The following FCHSD2 variants were observed in gnomAD, a reference collection of about 807,000 sequenced individuals.
FCHSD2 encodes the protein F-BAR and double SH3 domains protein 2.
Under a neutral mutation model 108.1 loss-of-function variants are expected in FCHSD2, and 38 were observed. The observed-to-expected ratio is 0.35, with a 90% CI of 0.27 to 0.46. The LOEUF is 0.46. Ranked by LOEUF, FCHSD2 falls within the 20% of genes least tolerant of loss-of-function variation. The pLI, the probability that FCHSD2 is intolerant of heterozygous loss-of-function variation, is 1.00. For synonymous variants in FCHSD2, 279 were observed against 314.7 expected (o/e 0.89, Z 1.20); for missense variants, 751 against 897.8 (o/e 0.84, Z 2.09).
chr11:73,130,243 AT>A (rs1253293255), intron 2 of FCHSD2, among the ~76,000 whole-genome samples: 1 of 151,856 alleles, frequency 6.6e-6, no homozygotes, highest in Admixed American at 6.6e-5. Context: ...ATACATAAAA[AT>A]TATTCAATAC....
intron 4 of FCHSD2, among the ~76,000 whole-genome samples, chr11:73,005,117 T>C (rs1354193621): frequency 1.3e-5 from 2 of 152,238 alleles, no homozygotes; most frequent in African/African-American, 4.8e-5. Flanking sequence ...CCATCTCTAC[T>C]GGAGCATTCT....
intron 8 of FCHSD2, among the ~76,000 whole-genome samples, chr11:72,968,034 TGA>T (rs1856944676): frequency 6.9e-6 from 1 of 144,934 alleles, no homozygotes. Context: ...GAGCTTGCAG[TGA>T]GCCGAGATCG....
At chr11:72,996,687 G>A (rs1325473370) in intron 5 of FCHSD2, among the ~76,000 whole-genome samples, 1 of 152,118 alleles carries the variant, frequency 6.6e-6, no homozygotes, top group African/African-American at 2.4e-5. Context: ...AAATGTTGTA[G>A]AGGAAAAATT....
chr11:73,132,842 A>C (rs950592017), intron 2 of FCHSD2, among the ~76,000 whole-genome samples: 1 of 150,896 alleles, frequency 6.6e-6, no homozygotes, highest in Admixed American at 6.6e-5. Context: ...AAAAAAAAAA[A>C]CCTCAGGTGA....
intron 3 of FCHSD2, among the ~76,000 whole-genome samples, chr11:73,079,813 C>T (rs1384432309): frequency 1.3e-5 from 2 of 152,030 alleles, no homozygotes; most frequent in Admixed American, 1.3e-4. Context: ...CAGAAACAGG[C>T]AGTAAACTGG....
chr11:72,839,789 G>T (rs149313870), intron 19 of FCHSD2, among the ~76,000 whole-genome samples: 2 of 152,260 alleles, frequency 1.3e-5, no homozygotes, highest in East Asian at 3.9e-4. Flanking sequence ...GATCGGATTG[G>T]CAGTTATAAA....
At chr11:73,091,132 G>A (rs574982688) in intron 2 of FCHSD2, among the ~76,000 whole-genome samples, 23 of 152,286 alleles carry the variant, frequency 1.5e-4, no homozygotes, top group South Asian at 2.1e-4. Context: ...TCCATTCTAT[G>A]AGTATACCAC....
chr11:72,860,202 G>A (rs1323206033), intron 13 of FCHSD2, among the ~76,000 whole-genome samples: 1 of 152,200 alleles, frequency 6.6e-6, no homozygotes, highest in East Asian at 1.9e-4. Context: ...CTGCTGTGTG[G>A]CTCAGTTCCT....
intron 3 of FCHSD2, among the ~76,000 whole-genome samples, chr11:73,041,811 T>G (rs1471753025): frequency 2.6e-5 from 4 of 152,226 alleles, no homozygotes; most frequent in African/African-American, 9.6e-5. Flanking sequence ...TTTGTGAGGT[T>G]TTAGCCATAA....
At chr11:72,988,903 C>T in intron 6 of FCHSD2, 61 bp downstream of exon 6, 2 of 1,437,138 alleles carry the variant, frequency 1.4e-6, no homozygotes, top group African/African-American at 2.8e-5. Flanking sequence ...AGAGAACAAA[C>T]TATTAGCAAC....
At chr11:73,073,737 A>G (rs941552795) in intron 3 of FCHSD2, among the ~76,000 whole-genome samples, 1 of 152,230 alleles carries the variant, frequency 6.6e-6, no homozygotes, top group Non-Finnish European at 1.5e-5. Flanking sequence ...CCAGTTGGCC[A>G]TAATGCCATA....
At chr11:73,127,159 C>A (rs1330356889) in intron 2 of FCHSD2, among the ~76,000 whole-genome samples, 1 of 152,188 alleles carries the variant, frequency 6.6e-6, no homozygotes, top group Non-Finnish European at 1.5e-5. Context: ...CAACTTGTTT[C>A]TGTGGAACCA....
In FCHSD2 at chr11:72,865,229, C is replaced by G. The variant is rs555453840; in HGVS notation, c.1308+2636G>C. Among the ~76,000 whole-genome samples, 7 of 152,292 alleles carry G rather than the reference C, an allele frequency of 4.6e-5. No homozygotes were observed. In the South Asian group the frequency reaches 1.4e-3, roughly 32 times the overall value. ...GAATGTGCATTTCTGCTTCATGTTC[C>G]TCAGCCAGCTAGCTGTCAGTATGAA... On this transcript the variant is annotated intron_variant, in intron 13 of 19. Coordinates refer to ENST00000409418, the MANE Select transcript of FCHSD2 (RefSeq NM_014824.3).
intron 10 of FCHSD2, among the ~76,000 whole-genome samples, chr11:72,901,799 CTTTTA>C (rs1006345792): frequency 2.2e-4 from 33 of 151,938 alleles, no homozygotes; most frequent in African/African-American, 7.5e-4. Context: ...GGCCTATAAT[CTTTTA>C]TAAGACCAAC....
At position 72,889,923 on chromosome 11, in the gene FCHSD2, G is replaced by C. The variant is rs2135250720; in HGVS notation, c.947C>G (p.Thr316Ser). The part of the protein sequence containing the change: ...SDTSRQLESE[T>S]GTTEEHSLNK... ...TAGACTGTGCTCCTCTGTGGTCCCA[G>C]TTTCTGATTCTAACTGTCGGCTCTA... The change falls in exon 11 of 20, where the codon ACT becomes AGT. Residue 316 changes from threonine (T) to serine (S), a missense_variant. Thr to Ser is a moderately conservative substitution (Grantham distance 58, BLOSUM62 1). Coordinates refer to ENST00000409418, the MANE Select transcript of FCHSD2 (RefSeq NM_014824.3). 6.2e-7 allele frequency: 1 copy of C among 1,612,060 alleles called. No homozygotes were observed. Among genetic ancestry groups the C allele is most frequent in the African/African-American group, 1.3e-5 (1 of 74,996 alleles).
intron 8 of FCHSD2, among the ~76,000 whole-genome samples, chr11:72,925,959 C>T (rs1384430540): frequency 1.3e-5 from 2 of 152,230 alleles, no homozygotes; most frequent in East Asian, 1.9e-4. Context: ...GCTGTGGATC[C>T]AAGCCTCCCT....
chr11:72,918,026 T>A (rs1160348081), intron 9 of FCHSD2, among the ~76,000 whole-genome samples: 1 of 152,206 alleles, frequency 6.6e-6, no homozygotes, highest in African/African-American at 2.4e-5. Flanking sequence ...AATCTCCCAA[T>A]CCATGAACAT....
At chr11:73,133,788 G>T (rs1373001385) in intron 2 of FCHSD2, among the ~76,000 whole-genome samples, 1 of 43,642 alleles carries the variant, frequency 2.3e-5, no homozygotes, top group East Asian at 4.5e-4. Flanking sequence ...GAGAAACTCC[G>T]TCTCAAAAAA....
intron 13 of FCHSD2, among the ~76,000 whole-genome samples, chr11:72,860,315 A>C (rs1166394668): frequency 1.3e-5 from 2 of 152,190 alleles, no homozygotes; most frequent in Non-Finnish European, 2.9e-5. Flanking sequence ...AACCCCTAAC[A>C]ATAGCAAAAT....
Sources: allele counts gnomAD v4.1 joint callset (sites outside exome capture counted in the v4.1 genomes callset), GRCh38; gene constraint gnomAD v4.1.1; transcripts MANE v1.5; gene names NCBI Gene and HGNC (gene_info 2026-07-23, HGNC 2026-07-21).